The following TENM2 variants were observed in gnomAD, a reference collection of about 807,000 sequenced individuals.
TENM2 encodes the protein teneurin transmembrane protein 2, also known as teneurin-2.
TENM2 carries 52 observed loss-of-function variants against 245.2 expected under a neutral mutation model. The observed-to-expected ratio is 0.21, with a 90% CI of 0.17 to 0.27. The LOEUF (loss-of-function observed/expected upper bound fraction) is 0.27. Ranked by LOEUF, TENM2 falls within the 10% of genes least tolerant of loss-of-function variation. The probability of loss-of-function intolerance (pLI) is 1.00; values close to 1 mark genes in which losing one functional copy is unlikely to be tolerated. For synonymous variants in TENM2, 1,363 were observed against 1,438.9 expected, an observed-to-expected ratio of 0.95 and a Z score of 1.19; for missense variants, 3,046 against 3,666.8, an observed-to-expected ratio of 0.83 and a Z score of 4.37.
intron 2 of TENM2, among the ~76,000 whole-genome samples, chr5:167,592,020 G>A (rs1472456485): frequency 6.6e-6 from 1 of 152,206 alleles, no homozygotes; most frequent in Admixed American, 6.5e-5. Context: ...TTTGCCAGGA[G>A]GTGGGTATTC....
chr5:167,919,581 C>T (rs759551249), intron 3 of TENM2, among the ~76,000 whole-genome samples: 10 of 152,262 alleles, frequency 6.6e-5, no homozygotes, highest in Non-Finnish European at 1.3e-4. Flanking sequence ...GTTCCCAGAA[C>T]GGGAGGCGAA....
intron 3 of TENM2, among the ~76,000 whole-genome samples, chr5:167,909,236 C>T (rs766008673): frequency 7.9e-5 from 12 of 151,876 alleles, no homozygotes; most frequent in Non-Finnish European, 1.2e-4. Flanking sequence ...CTCCTGTGTC[C>T]GAGTTTACAG....
chr5:167,011,293 T>G, the TENM2 span, among the ~76,000 whole-genome samples: 1 of 152,188 alleles, frequency 6.6e-6, no homozygotes, highest in African/African-American at 2.4e-5. Context: ...GCATTGTACC[T>G]TTGTAATTCT....
chr5:167,427,525 A>AC (rs1453719569), intron 2 of TENM2, among the ~76,000 whole-genome samples: 1 of 135,958 alleles, frequency 7.4e-6, no homozygotes, highest in Non-Finnish European at 1.6e-5. Flanking sequence ...GAAGGGAGGG[A>AC]GGGAAGGATG....
chr5:168,154,522 GC>G (rs1756979632), intron 12 of TENM2, among the ~76,000 whole-genome samples: 1 of 152,124 alleles, frequency 6.6e-6, no homozygotes, highest in Non-Finnish European at 1.5e-5. Context: ...ACCGCGCCTG[GC>G]CCCTTTCTCC....
At chr5:168,260,173 T>C in intron 27 of TENM2, 110 bp from the exon 30 acceptor site, 1 of 1,171,760 alleles carries the variant, frequency 8.5e-7, no homozygotes. Context: ...CTCCCTCCCC[T>C]TTGGGCCCTA....
chr5:168,183,521 C>G (rs1417090426), intron 13 of TENM2, among the ~76,000 whole-genome samples: 1 of 152,176 alleles, frequency 6.6e-6, no homozygotes, highest in African/African-American at 2.4e-5. Flanking sequence ...CTTTCCATCT[C>G]TATCTCAAAT....
chr5:167,175,233 A>C, the TENM2 span, among the ~76,000 whole-genome samples: 1 of 152,148 alleles, frequency 6.6e-6, no homozygotes, highest in Non-Finnish European at 1.5e-5. Flanking sequence ...TCTGTTTTTC[A>C]AGAAATAGTG....
At chr5:167,626,411 G>T (rs1364480637) in intron 2 of TENM2, among the ~76,000 whole-genome samples, 2 of 152,172 alleles carry the variant, frequency 1.3e-5, no homozygotes, top group Non-Finnish European at 2.9e-5. Flanking sequence ...TGATTGATTG[G>T]TGTCATACAT....
At chr5:167,018,240 T>C in the TENM2 span, among the ~76,000 whole-genome samples, 1 of 152,122 alleles carries the variant, frequency 6.6e-6, no homozygotes, top group South Asian at 2.1e-4. Context: ...AAAAGTAAAA[T>C]AAATCAGTTT....
chr5:167,745,901 G>C (rs951169490), intron 2 of TENM2, among the ~76,000 whole-genome samples: 1 of 152,158 alleles, frequency 6.6e-6, no homozygotes, highest in Non-Finnish European at 1.5e-5. Context: ...TGGACATTTG[G>C]ATTGTTTCCA....
chr5:168,158,149 C>T (rs555660924), intron 12 of TENM2, among the ~76,000 whole-genome samples: 14 of 152,264 alleles, frequency 9.2e-5, no homozygotes, highest in East Asian at 3.9e-4. Context: ...TCTCGAACTC[C>T]GGACTTCAGG....
chr5:167,742,184 A>T (rs1582888038), intron 2 of TENM2, among the ~76,000 whole-genome samples: 1 of 152,098 alleles, frequency 6.6e-6, no homozygotes, highest in South Asian at 2.1e-4. Context: ...ATTCACTCTT[A>T]ACTAATTCCC....
chr5:168,248,018 G>C (rs1157241171), exon 27 of TENM2: 1 of 1,614,012 alleles, frequency 6.2e-7, no homozygotes, highest in South Asian at 1.1e-5. Context: ...ATGGAGAGCA[G>C]CAGTGGGGAG....
chr5:168,149,462 A>G (rs1300662566), intron 12 of TENM2: 1 of 456,518 alleles, frequency 2.2e-6, no homozygotes, highest in Admixed American at 2.4e-5. Flanking sequence ...CTGTATGTCT[A>G]ATTGTCTGCT....
intron 2 of TENM2, among the ~76,000 whole-genome samples, chr5:167,731,395 GATCATTT>G (rs1760427064): frequency 1.3e-5 from 2 of 151,892 alleles, no homozygotes; most frequent in Admixed American, 6.6e-5. Context: ...TCAAGTGCAT[GATCATTT>G]ATCCAGCTTT....
chr5:167,092,286 G>T, the TENM2 span, among the ~76,000 whole-genome samples: 1 of 152,116 alleles, frequency 6.6e-6, no homozygotes, highest in Non-Finnish European at 1.5e-5. Context: ...CTTTACATAT[G>T]GCCCGTGACT....
chr5:167,363,481 C>T (rs1759834239), intron 1 of TENM2, among the ~76,000 whole-genome samples: 1 of 151,752 alleles, frequency 6.6e-6, no homozygotes, highest in Admixed American at 6.6e-5. Flanking sequence ...CCTGTAATTC[C>T]AGCACTTTGG....
the TENM2 span, among the ~76,000 whole-genome samples, chr5:167,206,455 A>G: frequency 6.6e-6 from 1 of 152,186 alleles, no homozygotes; most frequent in African/African-American, 2.4e-5. Flanking sequence ...AATCTGTGCT[A>G]GAAAGAATTG....
Sources: allele counts gnomAD v4.1 joint callset (sites outside exome capture counted in the v4.1 genomes callset), GRCh38; gene constraint gnomAD v4.1.1; transcripts MANE v1.5; gene names NCBI Gene and HGNC (gene_info 2026-07-23, HGNC 2026-07-21).